DENND3: variants seen among roughly 807,000 people sequenced by gnomAD.
The protein encoded by DENND3 is DENN domain-containing protein 3.
A neutral mutation model predicts 135.1 loss-of-function variants in DENND3; 88 were observed. The ratio of observed to expected loss-of-function variants is 0.65; its 90% confidence interval spans 0.55 to 0.78. The LOEUF is 0.78. DENND3 is among the 30% of genes least tolerant of loss of function. The probability of loss-of-function intolerance (pLI) is 0.00; values close to 1 mark genes in which losing one functional copy is unlikely to be tolerated. For missense variants in DENND3, 1,392 were observed against 1,688.4 expected, an observed-to-expected ratio of 0.82 and a Z score of 3.08; for synonymous variants, 693 against 712.3, an observed-to-expected ratio of 0.97 and a Z score of 0.43.
At chr8:141,158,429 A>T (rs1214982101) in intron 8 of DENND3, 1 of 1,134,862 alleles carries the variant, frequency 8.8e-7, no homozygotes, top group Admixed American at 4.4e-5. Flanking sequence ...AGAATTCCGG[A>T]ATAGAAACAC....
At position 141,166,978 on chromosome 8, in the gene DENND3, G is replaced by A. The variant is rs148493612; in HGVS notation, c.1753+589G>A. On this transcript the variant is annotated intron_variant, in intron 12 of 22. Transcript: ENST00000519811. The surrounding 1 kb of genome is among the most constrained non-coding windows in gnomAD (Gnocchi z 4.3). ...GAAACTGTCGGGAGGCCGGGGCCTT[G>A]ACCCCCAGGGCACCTGCTGCTGCTG... Among the ~76,000 whole-genome samples, 1 of 152,276 alleles carries A rather than the reference G, an allele frequency of 6.6e-6. No individual in the cohort carries two copies. The highest frequency in any genetic ancestry group is 1.9e-4 in the East Asian group (1 of 5,182).
intron 5 of DENND3, among the ~76,000 whole-genome samples, chr8:141,148,964 G>A (rs1818468415): frequency 6.6e-6 from 1 of 150,996 alleles, no homozygotes; most frequent in Non-Finnish European, 1.5e-5. Context: ...AGGCTGGAGT[G>A]CAATGGCACA....
At chr8:141,176,413 A>G in intron 14 of DENND3, 178 bp from the exon 15 acceptor site, 29 of 707,556 alleles carry the variant, frequency 4.1e-5, no homozygotes, top group Non-Finnish European at 6.3e-5. Flanking sequence ...GGTGAATCCT[A>G]CCTGCCGTCC....
chr8:141,175,498 G>A lies in DENND3; in HGVS notation c.2535+39G>A, dbSNP rs748525286. 1.8e-5 allele frequency: 29 copies of A among 1,613,470 alleles called. No individual in the cohort carries two copies. The highest frequency in any genetic ancestry group is 2.0e-5 in the Non-Finnish European group (24 of 1,180,024). On this transcript the variant is annotated intron_variant, in intron 14 of 22. Transcript: ENST00000519811. The surrounding 1 kb of genome is among the most constrained non-coding windows in gnomAD (Gnocchi z 5.4). ...AGGCAGACGGCGCCAGACCCCACCTGTGTTTAGGAGACAGATGGCTGGAGT... is the reference window on the plus strand; with the variant it reads ...AGGCAGACGGCGCCAGACCCCACCTATGTTTAGGAGACAGATGGCTGGAGT...
Position 141,144,323 on chromosome 8 carries a change from T to C in DENND3, c.735+64T>C. ...AATAGTAAAAGTAAGATGTTGAAGA[T>C]AATGTAAATGCTCACAACTATTTCT... On this transcript the variant is annotated intron_variant, in intron 5 of 22. Coordinates refer to ENST00000519811, the MANE Select transcript of DENND3 (RefSeq NM_001352890.3). This position sits in a 1 kb window ranked among gnomAD's most constrained non-coding sequence, Gnocchi z 4.4. 1 of 1,403,270 alleles carries C rather than the reference T, an allele frequency of 7.1e-7. No homozygotes were observed. The allele number at this position is 1,403,270 out of a possible 1,614,324, so 86.9% of individuals were successfully genotyped here.
In DENND3 at chr8:141,167,125, T is replaced by C. The variant is rs1820909565; in HGVS notation, c.1753+736T>C. Among the ~76,000 whole-genome samples the C allele has an allele frequency of 6.6e-6, 1 of 152,174 alleles. No homozygotes were observed. Among genetic ancestry groups the C allele is most frequent in the Non-Finnish European group, 1.5e-5 (1 of 68,020 alleles). On this transcript the variant is annotated intron_variant, in intron 12 of 22. Coordinates refer to ENST00000519811, the MANE Select transcript of DENND3 (RefSeq NM_001352890.3). This position sits in a 1 kb window ranked among gnomAD's most constrained non-coding sequence, Gnocchi z 4.1. Reference sequence around the variant, plus strand: ...TATGGTCTAGCAGGGGCAGTGCGCATGAATGACAGACCACGTTGTCTTTAT... The same window carrying C: ...TATGGTCTAGCAGGGGCAGTGCGCACGAATGACAGACCACGTTGTCTTTAT...
intron 18 of DENND3, among the ~76,000 whole-genome samples, chr8:141,187,972 A>G (rs894923532): frequency 2.0e-5 from 3 of 152,010 alleles, no homozygotes; most frequent in African/African-American, 7.2e-5. Flanking sequence ...GGATTGCTTG[A>G]GTCTAGGAGT....
rs1815466533 is a variant in DENND3, at chr8:141,128,687, G to GGCGGCGGGCGGCGGGCAGCC, written c.-20_-1dup. ...GGCTGAGGCGCCCGAGTGCGGTACT[G>GGCGGCGGGCGGCGGGCAGCC]GCGGCGGGCGGCGGGCAGCCATGGC... On this transcript the variant is annotated 5_prime_UTR_variant, in exon 1 of 23. Coordinates refer to ENST00000519811, the MANE Select transcript of DENND3 (RefSeq NM_001352890.3). The surrounding 1 kb of genome is among the most constrained non-coding windows in gnomAD (Gnocchi z 4.5). The GGCGGCGGGCGGCGGGCAGCC allele has an allele frequency of 7.3e-7, 1 of 1,368,594 alleles. No individual in the cohort carries two copies. Among genetic ancestry groups the GGCGGCGGGCGGCGGGCAGCC allele is most frequent in the Non-Finnish European group, 9.4e-7 (1 of 1,061,272 alleles). The allele number at this position is 1,368,594 out of a possible 1,614,324, so 84.8% of individuals were successfully genotyped here. A position where few individuals can be genotyped will look rare whatever the true frequency, so the allele number is the denominator to read the frequency against.
intron 10 of DENND3, 51 bp from the exon 11 acceptor site, chr8:141,165,135 G>A (rs768552599): frequency 6.9e-7 from 1 of 1,441,714 alleles, no homozygotes; most frequent in Non-Finnish European, 9.7e-7. Context: ...TTTGGAGCAG[G>A]GACCTGGGGA....
rs780889392 is a variant in DENND3 at position 141,150,934 on chromosome 8, G to A, written c.836G>A (p.Arg279Lys). The A allele has an allele frequency of 7.5e-6, 12 of 1,594,494 alleles. No individual in the cohort carries two copies. Among genetic ancestry groups the A allele is most frequent in the South Asian group, 5.7e-5 (5 of 88,246 alleles). ...LDLHLPLLCF[R>K]PEKVLQILTC... ...CTTCACCTGCCCTTGCTGTGCTTCAGGCCTGAGAAGGTGCTACAGGTACGC... is the reference window on the plus strand; with the variant it reads ...CTTCACCTGCCCTTGCTGTGCTTCAAGCCTGAGAAGGTGCTACAGGTACGC... Residue 279 changes from arginine to lysine, a missense_variant, in exon 6 of 23, where the codon AGG (arginine) becomes AAG (lysine). Coordinates refer to ENST00000519811, the MANE Select transcript of DENND3 (RefSeq NM_001352890.3).
Position 141,141,523 on chromosome 8 carries a change from C to G in DENND3, c.623+199C>G. ...TTAGGCTGTTGCTTAAGGCTGGGGGCAGTGGGCAGGGGGTGTGGCAGCGGG... is the reference window on the plus strand; with the variant it reads ...TTAGGCTGTTGCTTAAGGCTGGGGGGAGTGGGCAGGGGGTGTGGCAGCGGG... On this transcript the variant is annotated intron_variant, in intron 4 of 22. Coordinates refer to ENST00000519811, the MANE Select transcript of DENND3 (RefSeq NM_001352890.3). This position sits in a 1 kb window ranked among gnomAD's most constrained non-coding sequence, Gnocchi z 5.3. The G allele has an allele frequency of 4.3e-5, 24 of 563,448 alleles. No homozygotes were observed. The highest frequency in any genetic ancestry group is 7.4e-5 in the South Asian group (3 of 40,384). 34.9% of individuals were successfully genotyped at this position (563,448 alleles called of 1,614,324 possible).
chr8:141,183,048 C>T (rs1364078155), intron 17 of DENND3, among the ~76,000 whole-genome samples: 1 of 152,168 alleles, frequency 6.6e-6, no homozygotes, highest in African/African-American at 2.4e-5. Context: ...CTTCACACTG[C>T]CCTGCGGTCA....
chr8:141,147,239 G>A (rs909655837), intron 5 of DENND3, among the ~76,000 whole-genome samples: 4 of 152,188 alleles, frequency 2.6e-5, no homozygotes, highest in African/African-American at 7.2e-5. Flanking sequence ...GTGACTTGGG[G>A]ACCACTGGCC....
chr8:141,169,146 A>AC lies in DENND3; in HGVS notation c.2275+623dup, dbSNP rs1299231613. Among the ~76,000 whole-genome samples the AC allele has an allele frequency of 5.9e-5, 9 of 152,368 alleles. No homozygotes were observed. The East Asian group carries it at 1.7e-3, about 29-fold the overall frequency. ...AGTGCTGGGATTACAGGCGTGAGCC[A>AC]CCGCGCCTGACCCTATATATTTTAA... On this transcript the variant is annotated intron_variant, in intron 13 of 22. Coordinates refer to ENST00000519811, the MANE Select transcript of DENND3 (RefSeq NM_001352890.3).
chr8:141,160,872 G>T, intron 9 of DENND3, 85 bp downstream of exon 9: 2 of 1,512,764 alleles, frequency 1.3e-6, no homozygotes, highest in South Asian at 1.3e-5. Context: ...CCGCCCCAGA[G>T]GGCAGGCCAT....
chr8:141,163,251 C>T, intron 9 of DENND3, 82 bp from the exon 10 acceptor site: 8 of 742,612 alleles, frequency 1.1e-5, no homozygotes, highest in Middle Eastern at 2.7e-4. Flanking sequence ...TCTCTTCTAA[C>T]CATTTCTCTG....
intron 19 of DENND3, among the ~76,000 whole-genome samples, chr8:141,189,450 G>T (rs1320864857): frequency 6.6e-6 from 1 of 152,238 alleles, no homozygotes; most frequent in African/African-American, 2.4e-5. Flanking sequence ...TCCCAGAGGT[G>T]CACCAGCCAT....
chr8:141,184,391 T>G (rs1589704515), intron 17 of DENND3: 1 of 152,314 alleles, frequency 6.6e-6, no homozygotes, highest in East Asian at 1.9e-4. Context: ...AGCCCTGGAC[T>G]CGGAGCCTGT....
chr8:141,192,470 G>C, intron 21 of DENND3, 21 bp downstream of exon 21: 1 of 1,613,850 alleles, frequency 6.2e-7, no homozygotes, highest in Non-Finnish European at 8.5e-7. Flanking sequence ...AGGGGCTGTG[G>C]GCCCAGCATG....
Sources: allele counts gnomAD v4.1 joint callset (sites outside exome capture counted in the v4.1 genomes callset), GRCh38; gene constraint gnomAD v4.1.1; non-coding constraint Gnocchi (gnomAD v3.1); transcripts MANE v1.5; gene names NCBI Gene and HGNC (gene_info 2026-07-23, HGNC 2026-07-21).